Variants in TENM3 observed in about 807,000 individuals in gnomAD.
TENM3 encodes teneurin-3.
In TENM3, 63 loss-of-function variants were observed where a neutral mutation model predicts 255.1. The ratio of observed to expected loss-of-function variants is 0.25; its 90% CI spans 0.20 to 0.30. The LOEUF is 0.30. TENM3 is among the 10% of genes least tolerant of loss of function. TENM3 has a pLI of 1.00. For missense variants in TENM3, 2,929 were observed against 3,461.1 expected (o/e 0.85, Z 3.86); for synonymous variants, 1,306 against 1,322.3 (o/e 0.99, Z 0.27).
chr4:181,543,109 A>G, the TENM3 span, among the ~76,000 whole-genome samples: 1 of 152,220 alleles, frequency 6.6e-6, no homozygotes, highest in Admixed American at 6.5e-5. Flanking sequence ...TTTAATATAC[A>G]TGGAAAGACA....
the TENM3 span, chr4:181,877,031 A>C: frequency 6.6e-6 from 1 of 152,184 alleles, no homozygotes; most frequent in Non-Finnish European, 1.5e-5. Context: ...CACAAATATC[A>C]GTAAGCACTT....
chr4:182,699,884 G>A (rs1757717476), intron 12 of TENM3, among the ~76,000 whole-genome samples: 1 of 151,924 alleles, frequency 6.6e-6, no homozygotes. Flanking sequence ...TATATTGGAG[G>A]TTTTAAAGCT....
At chr4:182,594,571 T>G (rs552567084) in intron 3 of TENM3, among the ~76,000 whole-genome samples, 9 of 152,266 alleles carry the variant, frequency 5.9e-5, no homozygotes, top group Admixed American at 2.0e-4. Context: ...GCGTATTTGC[T>G]TGTGTGTTCT....
intron 3 of TENM3, among the ~76,000 whole-genome samples, chr4:182,512,170 G>A (rs1246755928): frequency 6.6e-6 from 1 of 152,144 alleles, no homozygotes; most frequent in African/African-American, 2.4e-5. Context: ...ACATTTCCCA[G>A]CCCTCCCCAC....
At chr4:181,817,648 G>A in the TENM3 span, among the ~76,000 whole-genome samples, 67,806 of 151,956 alleles carry the variant, frequency 0.45, 15,985 homozygotes, top group Admixed American at 0.57. Flanking sequence ...CTCATGAATG[G>A]TATTAGACGC....
chr4:182,451,946 A>G (rs557983661), intron 3 of TENM3, among the ~76,000 whole-genome samples: 1 of 152,374 alleles, frequency 6.6e-6, no homozygotes, highest in Admixed American at 6.5e-5. Context: ...AATGCTAAAT[A>G]CAGGACAATA....
chr4:181,797,104 T>G, the TENM3 span, among the ~76,000 whole-genome samples: 1 of 152,030 alleles, frequency 6.6e-6, no homozygotes, highest in Non-Finnish European at 1.5e-5. Flanking sequence ...CTCCCTCCCC[T>G]TTTCTTTGTA....
At chr4:182,766,380 GAAAA>G (rs1218448401) in intron 22 of TENM3, among the ~76,000 whole-genome samples, 4 of 146,150 alleles carry the variant, frequency 2.7e-5, no homozygotes, top group Non-Finnish European at 6.1e-5. Context: ...ATTTAAAAAA[GAAAA>G]AAAAAAGACA....
intron 1 of TENM3, among the ~76,000 whole-genome samples, chr4:182,232,183 C>T (rs769824215): frequency 2.0e-5 from 3 of 152,162 alleles, no homozygotes; most frequent in Non-Finnish European, 4.4e-5. Context: ...CTCTGTCCTT[C>T]TGGCTGAAAG....
the TENM3 span, among the ~76,000 whole-genome samples, chr4:181,482,679 C>T: frequency 6.6e-6 from 1 of 152,138 alleles, no homozygotes; most frequent in South Asian, 2.1e-4. Context: ...AAGATATCCT[C>T]ACCTCTGCTT....
At chr4:182,358,217 A>G (rs1268564459) in intron 3 of TENM3, among the ~76,000 whole-genome samples, 3 of 147,708 alleles carry the variant, frequency 2.0e-5, no homozygotes, top group East Asian at 2.0e-4. Context: ...TTTTGGTTCC[A>G]TATGAACTTT....
At chr4:181,973,626 T>A in the TENM3 span, among the ~76,000 whole-genome samples, 2 of 152,016 alleles carry the variant, frequency 1.3e-5, no homozygotes, top group Non-Finnish European at 2.9e-5. Context: ...CTGGGCACAG[T>A]AATGCATGCC....
At chr4:181,819,043 C>T in the TENM3 span, among the ~76,000 whole-genome samples, 1 of 152,190 alleles carries the variant, frequency 6.6e-6, no homozygotes, top group Non-Finnish European at 1.5e-5. Flanking sequence ...TTGCCATCCA[C>T]CTGCCTCTGG....
At chr4:182,135,329 TAA>T in the TENM3 span, among the ~76,000 whole-genome samples, 12 of 151,616 alleles carry the variant, frequency 7.9e-5, no homozygotes, top group Non-Finnish European at 1.5e-4. Flanking sequence ...GTTTGTACCC[TAA>T]GAGTAGTGGT....
rs1004460177 is a variant in TENM3, at chr4:182,399,050, C to T, written c.511+52121C>T. 3.3e-5 allele frequency among the ~76,000 whole-genome samples: 5 copies of T among 152,206 alleles called. 1 individual carries two copies. Among genetic ancestry groups the T allele is most frequent in the South Asian group, 2.1e-4 (1 of 4,810 alleles). ...ATGGATAAGTCTGGGCTCTGTCGGGCGACTGAGGTACCCTGTACACTTCAG... is the reference window on the plus strand; with the variant it reads ...ATGGATAAGTCTGGGCTCTGTCGGGTGACTGAGGTACCCTGTACACTTCAG... On this transcript the variant is annotated intron_variant, in intron 3 of 27. Transcript: ENST00000511685.
chr4:181,743,889 T>G, the TENM3 span, among the ~76,000 whole-genome samples: 1 of 152,052 alleles, frequency 6.6e-6, no homozygotes, highest in Non-Finnish European at 1.5e-5. Context: ...TGTGCCATGA[T>G]GGTTTGCTGC....
intron 1 of TENM3, among the ~76,000 whole-genome samples, chr4:182,180,639 T>C (rs982356000): frequency 9.4e-5 from 14 of 148,708 alleles, no homozygotes; most frequent in Non-Finnish European, 1.3e-4. Flanking sequence ...TTGTTTCTCT[T>C]TTTTTTTTTT....
chr4:182,676,586 G>A (rs984275066), intron 7 of TENM3, among the ~76,000 whole-genome samples: 2 of 152,310 alleles, frequency 1.3e-5, no homozygotes, highest in Middle Eastern at 3.4e-3. Context: ...AGAACTCATC[G>A]TTTTAGTAAC....
chr4:181,507,453 C>T, the TENM3 span, among the ~76,000 whole-genome samples: 1 of 152,214 alleles, frequency 6.6e-6, no homozygotes, highest in Non-Finnish European at 1.5e-5. Flanking sequence ...GATTCCTAAA[C>T]ACAGATGGAG....
Sources: allele counts gnomAD v4.1 joint callset (sites outside exome capture counted in the v4.1 genomes callset), GRCh38; gene constraint gnomAD v4.1.1; transcripts MANE v1.5; gene names NCBI Gene and HGNC (gene_info 2026-07-23, HGNC 2026-07-21).